Variants in NRG3 observed in about 807,000 individuals in gnomAD.
NRG3 encodes pro-neuregulin-3, membrane-bound isoform.
A neutral mutation model predicts 66.9 loss-of-function variants in NRG3; 31 were observed. The observed-to-expected ratio is 0.46, with a 90% CI of 0.35 to 0.63. The LOEUF is 0.63. Among genes scored for constraint, NRG3 ranks in the 20% least tolerant of loss-of-function variants. NRG3 has a pLI of 0.00. For missense variants in NRG3, 910 were observed against 878.9 expected (o/e 1.04, Z -0.45); for synonymous variants, 393 against 359.4 (o/e 1.09, Z -1.06).
chr10:82,832,151 G>A (rs1281816629), intron 3 of NRG3, among the ~76,000 whole-genome samples: 1 of 152,122 alleles, frequency 6.6e-6, no homozygotes, highest in Non-Finnish European at 1.5e-5. Context: ...TACTACCACT[G>A]GGAATTTAAA....
chr10:82,582,261 T>C (rs947100819), intron 2 of NRG3, among the ~76,000 whole-genome samples: 17 of 152,132 alleles, frequency 1.1e-4, no homozygotes, highest in Admixed American at 3.3e-4. Context: ...AAATTCCATA[T>C]CATCAGAAAA....
chr10:82,481,086 G>T (rs1842228970), intron 2 of NRG3, among the ~76,000 whole-genome samples: 2 of 152,144 alleles, frequency 1.3e-5, no homozygotes, highest in South Asian at 4.1e-4. Context: ...CAAGGAGCTT[G>T]CTGTCATTCC....
intron 2 of NRG3, among the ~76,000 whole-genome samples, chr10:82,460,110 T>C (rs1304539688): frequency 6.6e-6 from 1 of 152,204 alleles, no homozygotes; most frequent in Non-Finnish European, 1.5e-5. Flanking sequence ...GCCCGTTCCA[T>C]TACATTCTCT....
At chr10:82,717,431 G>A (rs1424421694) in intron 2 of NRG3, among the ~76,000 whole-genome samples, 1 of 110,016 alleles carries the variant, frequency 9.1e-6, no homozygotes, top group African/African-American at 3.6e-5. Context: ...ATGGAGTCTT[G>A]CTGTGTCGCC....
chr10:82,032,504 A>C (rs1311840284), intron 1 of NRG3, among the ~76,000 whole-genome samples: 2 of 151,932 alleles, frequency 1.3e-5, no homozygotes, highest in African/African-American at 4.8e-5. Context: ...ATTCTTCCTA[A>C]GAGTAGAAAA....
intron 1 of NRG3, among the ~76,000 whole-genome samples, chr10:81,971,604 C>T (rs1412284785): frequency 6.6e-6 from 1 of 152,178 alleles, no homozygotes; most frequent in African/African-American, 2.4e-5. Flanking sequence ...TACTGAACAT[C>T]AGACAGTGAA....
At chr10:82,568,265 G>A (rs146272717) in intron 2 of NRG3, among the ~76,000 whole-genome samples, 30 of 151,894 alleles carry the variant, frequency 2.0e-4, no homozygotes, top group African/African-American at 6.7e-4. Flanking sequence ...TCATTTATCA[G>A]CATTACAGGA....
intron 1 of NRG3, among the ~76,000 whole-genome samples, chr10:82,067,442 G>A (rs551859529): frequency 1.3e-5 from 2 of 152,258 alleles, no homozygotes; most frequent in East Asian, 1.9e-4. Context: ...TTCTCTCCCC[G>A]GTTCAAGCCA....
At chr10:82,437,463 C>CATAAAAG (rs2090200801) in intron 2 of NRG3, among the ~76,000 whole-genome samples, 1 of 151,930 alleles carries the variant, frequency 6.6e-6, no homozygotes, top group Admixed American at 6.6e-5. Context: ...TTCTTAGCTT[C>CATAAAAG]TTTGCATTGT....
chr10:82,859,701 A>C (rs967412871), intron 3 of NRG3, among the ~76,000 whole-genome samples: 10 of 152,230 alleles, frequency 6.6e-5, no homozygotes, highest in African/African-American at 2.4e-4. Flanking sequence ...ACAATGCGGC[A>C]ACTATAGTTA....
chr10:82,809,195 A>G (rs527284297), intron 3 of NRG3, among the ~76,000 whole-genome samples: 1 of 152,244 alleles, frequency 6.6e-6, no homozygotes. Flanking sequence ...CCATTTGCCA[A>G]TGATTGTGCT....
At chr10:82,120,315 G>T (rs2132353838) in intron 1 of NRG3, among the ~76,000 whole-genome samples, 1 of 152,240 alleles carries the variant, frequency 6.6e-6, no homozygotes, top group Non-Finnish European at 1.5e-5. Context: ...CGTGGAAATG[G>T]TTTCTTTTAC....
chr10:81,950,825 A>G (rs867709292), intron 1 of NRG3, among the ~76,000 whole-genome samples: 4 of 152,216 alleles, frequency 2.6e-5, no homozygotes, highest in South Asian at 2.1e-4. Context: ...TTCAAAATTC[A>G]GTATTCATCT....
chr10:82,171,338 A>G (rs1590400062), intron 1 of NRG3, among the ~76,000 whole-genome samples: 1 of 151,106 alleles, frequency 6.6e-6, no homozygotes, highest in South Asian at 2.1e-4. Context: ...CTTACTTCCC[A>G]CCAACATGTC....
intron 1 of NRG3, among the ~76,000 whole-genome samples, chr10:81,911,603 GTTTTTTTTTT>G (rs796518872): frequency 0.036 from 2,800 of 77,972 alleles, 81 homozygotes; most frequent in African/African-American, 0.097. Flanking sequence ...GCACAGACTT[GTTTTTTTTTT>G]TTTTTTTTTT....
chr10:82,699,203 CACTT>C (rs2055637349), intron 2 of NRG3, among the ~76,000 whole-genome samples: 1 of 147,190 alleles, frequency 6.8e-6, no homozygotes, highest in Non-Finnish European at 1.5e-5. Context: ...GTTAAGAACT[CACTT>C]AATGATTGTG....
chr10:82,488,684 G>A (rs1425510768), intron 2 of NRG3, among the ~76,000 whole-genome samples: 1 of 152,016 alleles, frequency 6.6e-6, no homozygotes, highest in Non-Finnish European at 1.5e-5. Flanking sequence ...CTGAGGGTGG[G>A]GTTATTCACT....
chr10:82,651,039 A>C (rs536752096), intron 2 of NRG3, among the ~76,000 whole-genome samples: 2 of 152,240 alleles, frequency 1.3e-5, no homozygotes, highest in Non-Finnish European at 2.9e-5. Flanking sequence ...GAAGCATATA[A>C]TTGGGCTGCT....
At chr10:82,350,307 T>A (rs1429194150) in intron 1 of NRG3, among the ~76,000 whole-genome samples, 6 of 152,244 alleles carry the variant, frequency 3.9e-5, no homozygotes, top group Non-Finnish European at 8.8e-5. Flanking sequence ...ACAACCATTA[T>A]GATACTTATT....
Sources: allele counts gnomAD v4.1 joint callset (sites outside exome capture counted in the v4.1 genomes callset), GRCh38; gene constraint gnomAD v4.1.1; transcripts MANE v1.5; gene names NCBI Gene and HGNC (gene_info 2026-07-23, HGNC 2026-07-21).